Variants in DEPTOR observed in about 807,000 individuals in gnomAD.
DEPTOR encodes DEP domain-containing mTOR-interacting protein.
In DEPTOR, 41 loss-of-function variants were observed where a neutral mutation model predicts 41.6. That is an observed-to-expected ratio of 0.98 (90% CI 0.77 to 1.28). The LOEUF is 1.28. DEPTOR is among the 50% of genes most tolerant of loss of function. The pLI is 0.00. For missense variants in DEPTOR, 514 were observed against 527.9 expected, an observed-to-expected ratio of 0.97 and a Z score of 0.26; for synonymous variants, 195 against 192.3, an observed-to-expected ratio of 1.01 and a Z score of -0.12.
chr8:120,022,158 A>T (rs993952755), intron 8 of DEPTOR, among the ~76,000 whole-genome samples: 3 of 76,868 alleles, frequency 3.9e-5, no homozygotes, highest in South Asian at 3.8e-4. Context: ...ACCCCATCTT[A>T]AAAAAAAAAA....
intron 8 of DEPTOR, among the ~76,000 whole-genome samples, chr8:120,022,063 T>A (rs943816381): frequency 1.3e-5 from 2 of 148,870 alleles, no homozygotes; most frequent in Non-Finnish European, 3.0e-5. Context: ...GAGGCTGAAG[T>A]GGGAGGATCA....
intron 1 of DEPTOR, among the ~76,000 whole-genome samples, chr8:119,882,395 A>G (rs1827309770): frequency 6.6e-6 from 1 of 151,378 alleles, no homozygotes; most frequent in Non-Finnish European, 1.5e-5. Flanking sequence ...TTTTTTTATT[A>G]TTTATTTTTA....
chr8:120,022,286 C>A (rs563221750), intron 8 of DEPTOR, among the ~76,000 whole-genome samples: 1 of 151,718 alleles, frequency 6.6e-6, no homozygotes, highest in East Asian at 1.9e-4. Context: ...CTACTACATT[C>A]GTATCAGTGG....
intron 1 of DEPTOR, among the ~76,000 whole-genome samples, chr8:119,926,512 T>C (rs1827965749): frequency 6.6e-6 from 1 of 152,222 alleles, no homozygotes; most frequent in South Asian, 2.1e-4. Context: ...TAAATTGTTT[T>C]TTTAAAGTAT....
At chr8:120,028,502 C>T (rs1336813174) in intron 8 of DEPTOR, among the ~76,000 whole-genome samples, 1 of 146,836 alleles carries the variant, frequency 6.8e-6, no homozygotes, top group African/African-American at 2.6e-5. Context: ...CTCTGTCACC[C>T]AGGCTGGAGT....
intron 3 of DEPTOR, among the ~76,000 whole-genome samples, chr8:119,953,412 G>A (rs57844492): frequency 1.3e-3 from 202 of 151,878 alleles, no homozygotes; most frequent in African/African-American, 4.7e-3. Context: ...GTGAAACCCC[G>A]TCTCTACTGA....
chr8:119,925,479 C>G (rs971515098), intron 1 of DEPTOR, among the ~76,000 whole-genome samples: 1 of 152,100 alleles, frequency 6.6e-6, no homozygotes, highest in Non-Finnish European at 1.5e-5. Flanking sequence ...TTCATTACCA[C>G]GCGAACAGTA....
At chr8:119,954,677 A>G (rs369508814) in intron 3 of DEPTOR, among the ~76,000 whole-genome samples, 1 of 151,918 alleles carries the variant, frequency 6.6e-6, no homozygotes, top group Non-Finnish European at 1.5e-5. Context: ...GCTTATTTCT[A>G]TTCTTGTACT....
rs558164880 is a variant in DEPTOR, at chr8:119,874,190, C to G, written c.122+222C>G. 5.6e-5 allele frequency: 37 copies of G among 662,762 alleles called. No homozygotes were observed. The East Asian group carries it at 1.0e-3, about 19-fold the overall frequency. The allele number at this position is 662,762 out of a possible 1,614,324, so 41.1% of individuals were successfully genotyped here. A position where few individuals can be genotyped will look rare whatever the true frequency, so the allele number is the denominator to read the frequency against. On this transcript the variant is annotated intron_variant, in intron 1 of 8. Transcript: ENST00000286234. ...AGCGGGGCTGCCTGGCAGAAGCCGA[C>G]GAGCGGGTGGTGCGCGCTGCGCCCT...
intron 7 of DEPTOR, among the ~76,000 whole-genome samples, chr8:120,007,397 C>T (rs751107928): frequency 2.7e-4 from 41 of 152,052 alleles, no homozygotes; most frequent in Admixed American, 2.0e-3. Flanking sequence ...GGTGCTTCGA[C>T]AATGTGTGCA....
At chr8:119,966,228 GCTGAGGTGGGTGGATCAC>G (rs536132810) in intron 4 of DEPTOR, among the ~76,000 whole-genome samples, 2 of 152,186 alleles carry the variant, frequency 1.3e-5, no homozygotes, top group African/African-American at 4.8e-5. Context: ...ACTTTGGGAG[GCTGAGGTGGGTGGATCAC>G]CTGAGGTGAG....
At chr8:119,950,655 G>T (rs1828340422) in intron 3 of DEPTOR, among the ~76,000 whole-genome samples, 1 of 151,952 alleles carries the variant, frequency 6.6e-6, no homozygotes, top group African/African-American at 2.4e-5. Context: ...GGAGTGCAGT[G>T]GTGCAATCTC....
At chr8:119,915,669 G>T (rs1429636571) in intron 1 of DEPTOR, among the ~76,000 whole-genome samples, 1 of 152,162 alleles carries the variant, frequency 6.6e-6, no homozygotes, top group African/African-American at 2.4e-5. Context: ...AGTGATATTG[G>T]CAAGGACTTG....
intron 1 of DEPTOR, among the ~76,000 whole-genome samples, chr8:119,904,936 C>A (rs1298458373): frequency 2.0e-5 from 3 of 150,558 alleles, no homozygotes. Flanking sequence ...GGACTACAGG[C>A]ACACGCTACC....
chr8:119,963,410 G>C (rs1828517165), intron 3 of DEPTOR, among the ~76,000 whole-genome samples: 1 of 152,062 alleles, frequency 6.6e-6, no homozygotes, highest in East Asian at 1.9e-4. Context: ...GAGTGCAGTG[G>C]TGTGAACTCG....
intron 8 of DEPTOR, among the ~76,000 whole-genome samples, chr8:120,024,888 G>T (rs952911619): frequency 2.0e-5 from 3 of 152,176 alleles, no homozygotes; most frequent in South Asian, 4.1e-4. Context: ...AATAATGGGG[G>T]TTCTATTAGA....
At chr8:120,022,550 G>A (rs1253326570) in intron 8 of DEPTOR, among the ~76,000 whole-genome samples, 1 of 152,120 alleles carries the variant, frequency 6.6e-6, no homozygotes, top group African/African-American at 2.4e-5. Flanking sequence ...AGGCTCCTAA[G>A]TCCTCAGAAC....
At chr8:119,906,889 G>A (rs1827670599) in intron 1 of DEPTOR, among the ~76,000 whole-genome samples, 1 of 152,098 alleles carries the variant, frequency 6.6e-6, no homozygotes, top group African/African-American at 2.4e-5. Flanking sequence ...TTGTTCATCA[G>A]GGCCAATAGT....
intron 1 of DEPTOR, among the ~76,000 whole-genome samples, chr8:119,892,268 G>C (rs1010804609): frequency 6.6e-6 from 1 of 151,994 alleles, no homozygotes; most frequent in Non-Finnish European, 1.5e-5. Context: ...CAAAGTGCTG[G>C]GATTACAGGC....
Sources: gnomAD v4.1 joint callset for allele counts (sites outside exome capture counted in the v4.1 genomes callset) on GRCh38, gnomAD v4.1.1 for gene constraint, MANE v1.5 for transcripts, NCBI Gene and HGNC (gene_info 2026-07-23, HGNC 2026-07-21) for gene names.